Variants in UTRN observed in about 807,000 individuals in gnomAD.
UTRN encodes dystrophin-related protein 1.
Under a neutral mutation model 463.9 loss-of-function variants are expected in UTRN, and 283 were observed. That is an observed-to-expected ratio of 0.61 (90% CI 0.55 to 0.67). The LOEUF (loss-of-function observed/expected upper bound fraction) is 0.67, where lower values mean the gene tolerates loss of function less well. Ranked by LOEUF, UTRN falls within the 30% of genes least tolerant of loss-of-function variation. UTRN has a pLI of 0.00. For synonymous variants in UTRN, 1,442 were observed against 1,431.5 expected (o/e 1.01, Z -0.17); for missense variants, 3,922 against 4,084.3 (o/e 0.96, Z 1.08).
At chr6:144,802,987 AC>A in intron 64 of UTRN, 48 bp from the exon 65 acceptor site, 2 of 1,286,860 alleles carry the variant, frequency 1.6e-6, no homozygotes, top group Non-Finnish European at 2.1e-6. Context: ...ACAAATTTAG[AC>A]TAAATGATAG....
chr6:144,769,032 T>TA (rs1793712366), intron 58 of UTRN, among the ~76,000 whole-genome samples: 1 of 150,938 alleles, frequency 6.6e-6, no homozygotes, highest in African/African-American at 2.4e-5. Context: ...TTTTTAGTAA[T>TA]AAAATCATAA....
At chr6:144,754,618 G>A in intron 56 of UTRN, 102 bp from the exon 57 acceptor site, 1 of 1,116,008 alleles carries the variant, frequency 9.0e-7, no homozygotes. Context: ...TCATATCCTG[G>A]GCAATAGCAT....
At chr6:144,829,290 A>G (rs1354836891) in intron 69 of UTRN, among the ~76,000 whole-genome samples, 2 of 152,040 alleles carry the variant, frequency 1.3e-5, no homozygotes, top group African/African-American at 2.4e-5. Context: ...ACATACTTAG[A>G]TATATACTCC....
At chr6:144,346,321 A>G (rs1777565866) in intron 2 of UTRN, among the ~76,000 whole-genome samples, 2 of 152,308 alleles carry the variant, frequency 1.3e-5, no homozygotes, top group African/African-American at 2.4e-5. Flanking sequence ...AGGCTTTAGG[A>G]AAATAGCATT....
chr6:144,666,120 G>C (rs940154816), intron 51 of UTRN, among the ~76,000 whole-genome samples: 1 of 152,190 alleles, frequency 6.6e-6, no homozygotes, highest in African/African-American at 2.4e-5. Context: ...GTGAGAGCCA[G>C]CCCTCTTTCA....
At chr6:144,649,926 A>G (rs1778640277) in intron 51 of UTRN, among the ~76,000 whole-genome samples, 1 of 152,180 alleles carries the variant, frequency 6.6e-6, no homozygotes, top group Non-Finnish European at 1.5e-5. Context: ...TGATGACGTG[A>G]AGAAATCCTG....
At chr6:144,735,102 C>T (rs752776778) in intron 54 of UTRN, among the ~76,000 whole-genome samples, 3 of 152,156 alleles carry the variant, frequency 2.0e-5, no homozygotes, top group Non-Finnish European at 4.4e-5. Context: ...ACGCATGTTC[C>T]TGAGGTTTCA....
rs117165814 is a variant in UTRN at position 144,440,905 on chromosome 6, G to C, written c.1512+434G>C. Reference sequence around the variant, plus strand: ...TTTTATATGGATGGTGGCAGGCAAAGAGAGGGAGCTTGTGCAGGGAAACTC... The same window carrying C: ...TTTTATATGGATGGTGGCAGGCAAACAGAGGGAGCTTGTGCAGGGAAACTC... On this transcript the variant is annotated intron_variant, in intron 13 of 74. Coordinates refer to ENST00000367545, the MANE Select transcript of UTRN (RefSeq NM_007124.3). Among the ~76,000 whole-genome samples, 869 of 152,342 alleles carry C rather than the reference G, an allele frequency of 5.7e-3. 17 individuals are homozygous for C. The East Asian group carries it at 0.07, about 12-fold the overall frequency.
rs1790980096 is a variant in UTRN, at chr6:144,748,285, C to G, written c.7979C>G (p.Ala2660Gly). The G allele has an allele frequency of 6.2e-7, 1 of 1,612,570 alleles. No individual in the cohort carries two copies. The highest frequency in any genetic ancestry group is 1.7e-5 in the Admixed American group (1 of 59,950). The change falls in exon 55 of 75, where the codon GCC (alanine) becomes GGC (glycine). Residue 2660 changes from alanine to glycine, a missense_variant. By Grantham distance (60) the Ala-to-Gly change is moderately conservative (BLOSUM62 0). Transcript: ENST00000367545. ...GAGAGAGCCCAAAAGATTGCCAAAGCCATGCGCAAACAGTCTTCTGAAGTC... is the reference window on the plus strand; with the variant it reads ...GAGAGAGCCCAAAAGATTGCCAAAGGCATGCGCAAACAGTCTTCTGAAGTC... The part of the protein sequence containing the change: ...PEERAQKIAK[A>G]MRKQSSEVKE...
At chr6:144,456,626 C>T (rs1017543838) in intron 19 of UTRN, among the ~76,000 whole-genome samples, 3 of 149,542 alleles carry the variant, frequency 2.0e-5, no homozygotes, top group Non-Finnish European at 4.4e-5. Flanking sequence ...ACACTCCAGC[C>T]TGGTGACAGA....
At chr6:144,833,007 A>G (rs1478800287) in intron 69 of UTRN, among the ~76,000 whole-genome samples, 2 of 152,060 alleles carry the variant, frequency 1.3e-5, no homozygotes, top group African/African-American at 4.8e-5. Context: ...TTTAGTAGAG[A>G]TGGGGTTTCA....
chr6:144,422,725 G>A (rs901100327), intron 4 of UTRN, among the ~76,000 whole-genome samples: 1 of 152,010 alleles, frequency 6.6e-6, no homozygotes, highest in Admixed American at 6.5e-5. Flanking sequence ...TATTTTATGT[G>A]TGGGGTACTC....
At chr6:144,421,056 G>C (rs1784791540) in intron 3 of UTRN, among the ~76,000 whole-genome samples, 1 of 152,158 alleles carries the variant, frequency 6.6e-6, no homozygotes, top group Non-Finnish European at 1.5e-5. Context: ...GCCCAGGCTG[G>C]AGTGCAGTGG....
Position 144,447,319 on chromosome 6 carries a change from G to C in UTRN, c.1722+1G>C, listed in dbSNP as rs149604803. On this transcript the variant is annotated splice_donor_variant, in intron 15 of 74. Coordinates refer to ENST00000367545, the MANE Select transcript of UTRN (RefSeq NM_007124.3). LOFTEE classifies it high-confidence loss of function. The stretch of plus-strand genomic sequence containing the variant: ...AAGTGTCAGTGTTCGACGTCTGGCT[G>C]TAAGTGATGGGGTTGTCAGCATCTG... 169 of 1,612,070 alleles carry C rather than the reference G, an allele frequency of 1.0e-4. No homozygotes were observed. The highest frequency in any genetic ancestry group is 1.4e-4 in the Non-Finnish European group (160 of 1,178,830).
At chr6:144,378,546 G>C (rs556303340) in intron 2 of UTRN, among the ~76,000 whole-genome samples, 17 of 152,312 alleles carry the variant, frequency 1.1e-4, no homozygotes, top group Middle Eastern at 3.4e-3. Flanking sequence ...AATTAAGCAG[G>C]TTGAGAACAG....
In UTRN at chr6:144,499,296, T is replaced by A. The variant is rs1793962827; in HGVS notation, c.4633T>A (p.Leu1545Met). 1 of 1,613,456 alleles carries A rather than the reference T, an allele frequency of 6.2e-7. No homozygotes were observed. Among genetic ancestry groups the A allele is most frequent in the South Asian group, 1.1e-5 (1 of 90,962 alleles). Reference protein sequence around the residue: ...GKQDLERASQLARKMKKEAAS... With the variant: ...GKQDLERASQMARKMKKEAAS... ...ACAGGATCTGGAAAGAGCATCACAG[T>A]TGGCCCGGAAAATGAAGAAAGAGGC... The change falls in exon 34 of 75, where the codon TTG becomes ATG. Residue 1545 changes from leucine to methionine, a missense_variant. Physicochemically the swap from Leu to Met is conservative, Grantham distance 15. Around this residue, in one of 3 missense-constraint regions of UTRN, gnomAD observed 2,349 missense variants for 2,303.8 expected, o/e 1.02. Transcript: ENST00000367545.
At chr6:144,410,433 A>G (rs1783782687) in intron 3 of UTRN, among the ~76,000 whole-genome samples, 1 of 152,024 alleles carries the variant, frequency 6.6e-6, no homozygotes, top group Admixed American at 6.6e-5. Flanking sequence ...TTTTATTTCC[A>G]TAGGTTTTGG....
intron 64 of UTRN, chr6:144,799,563 T>C (rs1250066299): frequency 2.2e-6 from 1 of 464,182 alleles, no homozygotes; most frequent in African/African-American, 2.0e-5. Context: ...AGGGAATAGC[T>C]GGAATGTGGC....
intron 53 of UTRN, among the ~76,000 whole-genome samples, chr6:144,710,393 A>T (rs1407922401): frequency 1.3e-5 from 2 of 152,232 alleles, no homozygotes; most frequent in African/African-American, 4.8e-5. Context: ...AGGAAGCCCC[A>T]TAGCAAAGAC....
Sources: allele counts gnomAD v4.1 joint callset (sites outside exome capture counted in the v4.1 genomes callset), GRCh38; gene constraint gnomAD v4.1.1; regional missense constraint gnomAD v4.1.1; transcripts MANE v1.5; gene names NCBI Gene and HGNC (gene_info 2026-07-23, HGNC 2026-07-21).